Variants in HOOK3 observed in about 807,000 individuals in gnomAD.
HOOK3 encodes protein Hook homolog 3.
HOOK3 carries 24 observed loss-of-function variants against 116.3 expected under a neutral mutation model. The observed-to-expected ratio is 0.21, with a 90% confidence interval of 0.15 to 0.29. The LOEUF is 0.29. Among genes scored for constraint, HOOK3 ranks in the 10% least tolerant of loss-of-function variants. HOOK3 has a pLI of 1.00. For synonymous variants in HOOK3, 275 were observed against 283.0 expected, an observed-to-expected ratio of 0.97 and a Z score of 0.28; for missense variants, 632 against 830.2, an observed-to-expected ratio of 0.76 and a Z score of 2.93.
intron 2 of HOOK3, among the ~76,000 whole-genome samples, chr8:42,920,233 A>G (rs1239018692): frequency 2.0e-5 from 3 of 152,172 alleles, no homozygotes; most frequent in Admixed American, 6.5e-5. Context: ...CAGAACTGTC[A>G]TCTCTTCCTA....
intron 13 of HOOK3, among the ~76,000 whole-genome samples, chr8:42,975,083 C>T (rs941421457): frequency 6.6e-6 from 1 of 152,040 alleles, no homozygotes; most frequent in Admixed American, 6.6e-5. Flanking sequence ...TGGGGAGAGG[C>T]GGCTACGGGT....
intron 2 of HOOK3, among the ~76,000 whole-genome samples, chr8:42,922,759 G>T (rs564354074): frequency 6.6e-6 from 1 of 151,858 alleles, no homozygotes; most frequent in East Asian, 2.0e-4. Flanking sequence ...AATTAGCTGG[G>T]CATGGTGGTG....
chr8:42,941,591 G>A (rs1263357585), intron 4 of HOOK3, among the ~76,000 whole-genome samples: 1 of 151,468 alleles, frequency 6.6e-6, no homozygotes, highest in East Asian at 1.9e-4. Flanking sequence ...GTCCTTCTAG[G>A]AATTGATTTT....
At chr8:42,974,399 C>T (rs1808781387) in intron 13 of HOOK3, among the ~76,000 whole-genome samples, 1 of 152,276 alleles carries the variant, frequency 6.6e-6, no homozygotes, top group South Asian at 2.1e-4. Flanking sequence ...CCACCACGCC[C>T]AGCTAATTTT....
intron 17 of HOOK3, among the ~76,000 whole-genome samples, chr8:43,006,318 C>A (rs1809488009): frequency 1.4e-5 from 2 of 145,186 alleles, no homozygotes; most frequent in African/African-American, 5.1e-5. Context: ...CTGCGCCCAG[C>A]CTATTTATTT....
intron 1 of HOOK3, among the ~76,000 whole-genome samples, chr8:42,904,227 G>A (rs189175482): frequency 1.1e-3 from 157 of 149,498 alleles, no homozygotes; most frequent in African/African-American, 3.6e-3. Flanking sequence ...CTTCATCCGT[G>A]TTAGTATATA....
intron 21 of HOOK3, among the ~76,000 whole-genome samples, chr8:43,017,100 G>C (rs1809732554): frequency 6.6e-6 from 1 of 152,144 alleles, no homozygotes; most frequent in South Asian, 2.1e-4. Context: ...TCTGTCTTCT[G>C]CACATCCTTC....
At chr8:42,993,748 G>A (rs551472417) in intron 15 of HOOK3, among the ~76,000 whole-genome samples, 2 of 152,148 alleles carry the variant, frequency 1.3e-5, no homozygotes, top group South Asian at 4.1e-4. Flanking sequence ...TATGTGTCTA[G>A]GAATTTATCC....
chr8:42,953,765 T>C (rs1230888626), intron 6 of HOOK3, among the ~76,000 whole-genome samples: 1 of 152,154 alleles, frequency 6.6e-6, no homozygotes, highest in Admixed American at 6.6e-5. Flanking sequence ...TTGTTAGGTA[T>C]ATTTATCACA....
intron 7 of HOOK3, among the ~76,000 whole-genome samples, chr8:42,958,803 A>G (rs1057048620): frequency 2.7e-5 from 4 of 147,074 alleles, no homozygotes; most frequent in African/African-American, 1.0e-4. Flanking sequence ...TCCTTCCCCC[A>G]CCCCCCAGCA....
chr8:43,013,288 T>A (rs1266928736), intron 20 of HOOK3, 41 bp from the exon 21 acceptor site: 1 of 1,489,244 alleles, frequency 6.7e-7, no homozygotes, highest in Non-Finnish European at 9.1e-7. Context: ...TGAGTTATTT[T>A]ATATCTTTAC....
chr8:42,984,252 C>T (rs1324653201), intron 14 of HOOK3, among the ~76,000 whole-genome samples: 1 of 151,728 alleles, frequency 6.6e-6, no homozygotes, highest in East Asian at 1.9e-4. Flanking sequence ...CCGGTAATCC[C>T]AGCTACTCGG....
At chr8:42,945,964 C>G (rs1295435724) in intron 5 of HOOK3, among the ~76,000 whole-genome samples, 1 of 152,034 alleles carries the variant, frequency 6.6e-6, no homozygotes, top group African/African-American at 2.4e-5. Flanking sequence ...CTTATCTAAT[C>G]TTAAATAGCT....
chr8:42,957,444 A>G, intron 7 of HOOK3, among the ~76,000 whole-genome samples: 1 of 152,056 alleles, frequency 6.6e-6, no homozygotes, highest in African/African-American at 2.4e-5. Flanking sequence ...CTAGTCATGA[A>G]TTTTTATTTT....
intron 15 of HOOK3, among the ~76,000 whole-genome samples, chr8:42,989,851 T>C (rs1327099139): frequency 2.6e-5 from 4 of 152,194 alleles, no homozygotes; most frequent in Non-Finnish European, 5.9e-5. Flanking sequence ...TTTGTCTTCC[T>C]GTGCCTGTTA....
chr8:42,949,302 C>G (rs957547428), intron 5 of HOOK3: 4 of 152,222 alleles, frequency 2.6e-5, no homozygotes, highest in South Asian at 2.1e-4. Context: ...ACAAAGAGAT[C>G]TTTTTGTTTT....
intron 17 of HOOK3, among the ~76,000 whole-genome samples, chr8:43,004,265 G>A (rs773263800): frequency 5.9e-5 from 9 of 151,330 alleles, no homozygotes; most frequent in Non-Finnish European, 8.8e-5. Flanking sequence ...TACTCAGGAG[G>A]CTGAGGCAGT....
chr8:42,940,386 G>A (rs1034977410), intron 4 of HOOK3, among the ~76,000 whole-genome samples: 1 of 152,230 alleles, frequency 6.6e-6, no homozygotes, highest in African/African-American at 2.4e-5. Context: ...GCAGGCCAAG[G>A]CAGGAGAATC....
intron 16 of HOOK3, among the ~76,000 whole-genome samples, chr8:42,999,716 T>C (rs1181526643): frequency 6.6e-6 from 1 of 152,178 alleles, no homozygotes; most frequent in Non-Finnish European, 1.5e-5. Context: ...GTAATTTGTT[T>C]TTAGCATGGA....
Sources: allele counts gnomAD v4.1 joint callset (sites outside exome capture counted in the v4.1 genomes callset), GRCh38; gene constraint gnomAD v4.1.1; transcripts MANE v1.5; gene names NCBI Gene and HGNC (gene_info 2026-07-23, HGNC 2026-07-21).